NCOA5: variants seen among roughly 807,000 people sequenced by gnomAD.
The protein encoded by NCOA5 is nuclear receptor coactivator 5.
In NCOA5, 12 loss-of-function variants were observed where a neutral mutation model predicts 59.0. That is an observed-to-expected ratio of 0.20 (90% CI 0.13 to 0.33). The LOEUF is 0.33. NCOA5 is among the 10% of genes least tolerant of loss of function. The pLI, the probability that NCOA5 is intolerant of heterozygous loss-of-function variation, is 1.00. For missense variants in NCOA5, 655 were observed against 766.6 expected, an observed-to-expected ratio of 0.85 and a Z score of 1.72; for synonymous variants, 270 against 275.5, an observed-to-expected ratio of 0.98 and a Z score of 0.20.
chr20:46,079,557 C>G (rs1045585290), intron 1 of NCOA5, 104 bp from the exon 2 acceptor site: 5 of 947,492 alleles, frequency 5.3e-6, no homozygotes, highest in Non-Finnish European at 8.2e-6. Context: ...CAATGACAAC[C>G]AGATGGTGTA....
Position 46,061,556 on chromosome 20 carries a change from G to A in NCOA5, c.*744C>T, listed in dbSNP as rs2084762914. On this transcript the variant is annotated 3_prime_UTR_variant, in exon 8 of 8. Coordinates refer to ENST00000290231, the MANE Select transcript of NCOA5 (RefSeq NM_020967.3). Reference sequence around the variant, plus strand: ...TGGAGAGGGGGATGCTGACAGAACTGGTTAACAGGGAAGAGTGGTGGGGCC... The same window carrying A: ...TGGAGAGGGGGATGCTGACAGAACTAGTTAACAGGGAAGAGTGGTGGGGCC... The A allele has an allele frequency of 6.5e-6, 1 of 152,678 alleles. No individual in the cohort carries two copies. The highest frequency in any genetic ancestry group is 1.5e-5 in the Non-Finnish European group (1 of 68,106). The allele number at this position is 152,678 out of a possible 1,614,324, so 9.5% of individuals were successfully genotyped here. A position where few individuals can be genotyped will look rare whatever the true frequency, so the allele number is the denominator to read the frequency against.
Position 46,079,416 on chromosome 20 carries a change from C to T in NCOA5, c.9G>A (p.Thr3=), listed in dbSNP as rs751765254. The T allele has an allele frequency of 8.1e-6, 13 of 1,613,782 alleles. No homozygotes were observed. Among genetic ancestry groups the T allele is most frequent in the African/African-American group, 1.3e-5 (1 of 74,852 alleles). The change falls in exon 2 of 8, where the codon ACG becomes ACA. Residue 3 remains threonine, a synonymous_variant. Transcript: ENST00000290231. ...GTGTGGGGCTGGGTCTTGATGGAGC[C>T]GTATTCATATTTCTTCTTTCCGCTG... The part of the protein sequence containing the change: MN[T]APSRPSPTRR...
intron 5 of NCOA5, 70 bp downstream of exon 5, chr20:46,066,985 G>C: frequency 6.5e-7 from 1 of 1,542,486 alleles, no homozygotes; most frequent in East Asian, 2.3e-5. Context: ...AGTGGATAGA[G>C]GTGCTAAACA....
At chr20:46,068,311 T>C (rs943853010) in intron 4 of NCOA5, among the ~76,000 whole-genome samples, 191 bp downstream of exon 4, 2 of 152,212 alleles carry the variant, frequency 1.3e-5, no homozygotes, top group African/African-American at 4.8e-5. Context: ...TGGTACTAAT[T>C]TGCATCTTAA....
chr20:46,088,983 T>C (rs1268857098), intron 1 of NCOA5, among the ~76,000 whole-genome samples: 1 of 152,220 alleles, frequency 6.6e-6, no homozygotes, highest in Non-Finnish European at 1.5e-5. Context: ...GCCTTAAATA[T>C]ATTTAAGGAG....
chr20:46,073,514 A>ACT (rs1434950113), intron 2 of NCOA5, among the ~76,000 whole-genome samples: 1 of 152,242 alleles, frequency 6.6e-6, no homozygotes, highest in Non-Finnish European at 1.5e-5. Flanking sequence ...GTGGGCAAAC[A>ACT]CTCAAGATCC....
At chr20:46,068,215 G>T (rs1416462264) in intron 4 of NCOA5, among the ~76,000 whole-genome samples, 1 of 152,162 alleles carries the variant, frequency 6.6e-6, no homozygotes, top group East Asian at 1.9e-4. Flanking sequence ...ATTACAGGTG[G>T]TGGCCACAGT....
intron 2 of NCOA5, among the ~76,000 whole-genome samples, chr20:46,073,951 T>C (rs929045151): frequency 6.6e-6 from 1 of 152,292 alleles, no homozygotes; most frequent in Non-Finnish European, 1.5e-5. Context: ...AAACTACTAA[T>C]TCCCTCTCAA....
intron 1 of NCOA5, among the ~76,000 whole-genome samples, chr20:46,080,372 C>T (rs1479427604): frequency 1.3e-5 from 2 of 152,152 alleles, no homozygotes; most frequent in East Asian, 3.8e-4. Flanking sequence ...TTACAAATTT[C>T]ATACTTCAGA....
intron 1 of NCOA5, among the ~76,000 whole-genome samples, chr20:46,089,390 G>A (rs1197478132): frequency 6.6e-6 from 1 of 152,248 alleles, no homozygotes; most frequent in Non-Finnish European, 1.5e-5. Context: ...GGTGCCACGG[G>A]ACGCCTTGGG....
intron 1 of NCOA5, among the ~76,000 whole-genome samples, chr20:46,085,845 C>T (rs1016267776): frequency 5.9e-5 from 9 of 152,130 alleles, no homozygotes; most frequent in African/African-American, 1.9e-4. Context: ...GCCAAATTAA[C>T]GAAACTTTAT....
chr20:46,085,728 T>TG (rs1228934324), intron 1 of NCOA5, among the ~76,000 whole-genome samples: 1 of 152,072 alleles, frequency 6.6e-6, no homozygotes, highest in Non-Finnish European at 1.5e-5. Flanking sequence ...AAGCAAGAGT[T>TG]GGACTAGATC....
At chr20:46,073,341 T>C (rs2084904515) in intron 2 of NCOA5, among the ~76,000 whole-genome samples, 1 of 152,222 alleles carries the variant, frequency 6.6e-6, no homozygotes, top group African/African-American at 2.4e-5. Flanking sequence ...CATTCCTGAC[T>C]TGTGAGAGCA....
At chr20:46,086,590 G>C (rs1568889725) in intron 1 of NCOA5, among the ~76,000 whole-genome samples, 1 of 152,184 alleles carries the variant, frequency 6.6e-6, no homozygotes, top group Non-Finnish European at 1.5e-5. Flanking sequence ...AATTCTGTTA[G>C]TCATTGCTCT....
rs771778618 is a variant in NCOA5 at position 46,062,557 on chromosome 20, G to C, written c.1483C>G (p.Gln495Glu). The change falls in exon 8 of 8, where the codon CAG (glutamine) becomes GAG (glutamate). Residue 495 changes from glutamine to glutamate, a missense_variant. Gln to Glu is a conservative substitution (Grantham distance 29, BLOSUM62 2). Around this residue, in one of 3 missense-constraint regions of NCOA5, gnomAD observed 325 missense variants for 353.2 expected, o/e 0.92. Coordinates refer to ENST00000290231, the MANE Select transcript of NCOA5 (RefSeq NM_020967.3). ...GCCCCAGGTCTGGGGCCCATGTTCT[G>C]AGCAGATCCTCCCTGTCCCAAAATG... ...PSILGQGGSA[Q>E]NMGPRPGAPS... The C allele has an allele frequency of 6.8e-6, 11 of 1,614,094 alleles. No homozygotes were observed. In the Admixed American group the frequency reaches 1.8e-4, roughly 27 times the overall value.
intron 1 of NCOA5, among the ~76,000 whole-genome samples, chr20:46,086,578 A>G (rs2085047482): frequency 6.6e-6 from 1 of 152,246 alleles, no homozygotes; most frequent in African/African-American, 2.4e-5. Flanking sequence ...AACATAAAGG[A>G]TAATTCTGTT....
At chr20:46,066,911 A>C (rs1484341278) in intron 5 of NCOA5, 144 bp downstream of exon 5, 1 of 934,960 alleles carries the variant, frequency 1.1e-6, no homozygotes, top group Non-Finnish European at 1.5e-6. Context: ...GTTTTCTGTC[A>C]CCTATAACTG....
rs748698598 is a variant in NCOA5 at position 46,070,309 on chromosome 20, T to A, written c.266A>T (p.Asp89Val). Residue 89 changes from aspartate to valine, a missense_variant, in exon 3 of 8, where the codon GAC (aspartate) becomes GTC (valine). Asp to Val is a radical substitution (Grantham distance 152). Coordinates refer to ENST00000290231, the MANE Select transcript of NCOA5 (RefSeq NM_020967.3). The part of the protein sequence containing the change: ...RDVRDVRDLR[D>V]FRDLRDSRDF... ...CCTAGAGTCTCTTAGATCACGAAAG[T>A]CTCTAAGATCCCTCACGTCCCGAAC... The A allele has an allele frequency of 6.2e-7, 1 of 1,613,796 alleles. No individual in the cohort carries two copies. The highest frequency in any genetic ancestry group is 1.7e-5 in the Admixed American group (1 of 59,984).
In NCOA5 at chr20:46,076,929, T is replaced by C. The variant is rs114309576; in HGVS notation, c.38+2458A>G. Among the ~76,000 whole-genome samples the C allele has an allele frequency of 5.1e-3, 779 of 152,326 alleles. 7 individuals are homozygous for C. The highest frequency in any genetic ancestry group is 0.018 in the African/African-American group (740 of 41,578). On this transcript the variant is annotated intron_variant, in intron 2 of 7. Transcript: ENST00000290231. ...ATAGTTGGTAAGGAGCTCATTTTAT[T>C]TTTTGAGACAGGGACTCACTCTGTT...
Sources: allele counts gnomAD v4.1 joint callset (sites outside exome capture counted in the v4.1 genomes callset), GRCh38; gene constraint gnomAD v4.1.1; regional missense constraint gnomAD v4.1.1; transcripts MANE v1.5; gene names NCBI Gene and HGNC (gene_info 2026-07-23, HGNC 2026-07-21).